The following HSD17B4 variants were observed in gnomAD, a reference collection of about 807,000 sequenced individuals.
HSD17B4 encodes the protein peroxisomal multifunctional enzyme type 2.
Under a neutral mutation model 101.0 loss-of-function variants are expected in HSD17B4, and 70 were observed. That is an observed-to-expected ratio of 0.69 (90% confidence interval 0.57 to 0.85). HSD17B4 has a LOEUF of 0.85. Ranked by LOEUF, HSD17B4 falls within the 40% of genes least tolerant of loss-of-function variation. The probability of loss-of-function intolerance (pLI) is 0.00; values close to 1 mark genes in which losing one functional copy is unlikely to be tolerated. For missense variants in HSD17B4, 984 were observed against 892.4 expected (o/e 1.10, Z -1.31); for synonymous variants, 347 against 297.1 (o/e 1.17, Z -1.73).
At chr5:119,454,482 G>A (rs1028323703) in intron 1 of HSD17B4, among the ~76,000 whole-genome samples, 20 of 151,850 alleles carry the variant, frequency 1.3e-4, no homozygotes, top group African/African-American at 4.6e-4. Flanking sequence ...ATTTTTAAAT[G>A]TTTTCAAGAG....
At position 119,515,005 on chromosome 5, in the gene HSD17B4, C is replaced by T. The variant is rs932961732; in HGVS notation, c.1462C>T (p.Pro488Ser). ...VKVAVAIPNR[P>S]PDAVLTDTTS... ...GGTAGCTGTAGCCATACCTAATAGACCTCCTGATGCTGTACTTACAGATAC... is the reference window on the plus strand; with the variant it reads ...GGTAGCTGTAGCCATACCTAATAGATCTCCTGATGCTGTACTTACAGATAC... Residue 488 changes from proline to serine, a missense_variant, in exon 17 of 24, where the codon CCT becomes TCT. Pro to Ser is a moderately conservative substitution (Grantham distance 74). Transcript: ENST00000510025. 6.3e-7 allele frequency: 1 copy of T among 1,581,124 alleles called. No individual in the cohort carries two copies. The highest frequency in any genetic ancestry group is 1.3e-5 in the African/African-American group (1 of 74,208).
intron 11 of HSD17B4, among the ~76,000 whole-genome samples, chr5:119,496,281 C>T (rs1204167616): frequency 6.6e-6 from 1 of 152,156 alleles, no homozygotes; most frequent in African/African-American, 2.4e-5. Flanking sequence ...CCAGTGCCGC[C>T]TTAGAATCAG....
chr5:119,541,021 C>T (rs1281004866), intron 23 of HSD17B4, among the ~76,000 whole-genome samples: 2 of 152,236 alleles, frequency 1.3e-5, no homozygotes, highest in Admixed American at 1.3e-4. Flanking sequence ...TTCCATTTAG[C>T]TAGAAATCTA....
At chr5:119,535,008 C>T (rs190942670) in intron 22 of HSD17B4, among the ~76,000 whole-genome samples, 2 of 152,058 alleles carry the variant, frequency 1.3e-5, no homozygotes, top group African/African-American at 4.8e-5. Context: ...AGAAAAGTTG[C>T]AAAAATACTA....
Position 119,494,058 on chromosome 5 carries a change from C to A in HSD17B4, c.868+112C>A, listed in dbSNP as rs1172877924. The A allele has an allele frequency of 4.8e-6, 5 of 1,041,140 alleles. No homozygotes were observed. The Admixed American group carries it at 7.3e-5, about 15-fold the overall frequency. 64.5% of individuals were successfully genotyped at this position (1,041,140 alleles called of 1,614,324 possible). On this transcript the variant is annotated intron_variant, in intron 11 of 23. Coordinates refer to ENST00000510025, the MANE Select transcript of HSD17B4 (RefSeq NM_000414.4). ...AACTGTAGTGTTAAGACACTTGAAT[C>A]GTCTATAGCATATTTTCTGCTCTAG... is the stretch of plus-strand genomic sequence containing the variant.
In HSD17B4 at chr5:119,542,162, A is replaced by T. The variant is rs1287808949; in HGVS notation, c.*168A>T. The T allele has an allele frequency of 4.9e-6, 3 of 609,586 alleles. No individual in the cohort carries two copies. Among genetic ancestry groups the T allele is most frequent in the Non-Finnish European group, 8.9e-6 (3 of 335,468 alleles). The allele number at this position is 609,586 out of a possible 1,614,324, so 37.8% of individuals were successfully genotyped here. A position where few individuals can be genotyped will look rare whatever the true frequency, so the allele number is the denominator to read the frequency against. ...TTCATTTTCTACTAATTTTTCATGT[A>T]TCATTATTTTTACAAGGAACTATAT... is the stretch of plus-strand genomic sequence containing the variant. On this transcript the variant is annotated 3_prime_UTR_variant, in exon 24 of 24. Transcript: ENST00000510025.
chr5:119,498,580 A>G (rs1158392232), intron 12 of HSD17B4, among the ~76,000 whole-genome samples: 2 of 150,492 alleles, frequency 1.3e-5, no homozygotes, highest in South Asian at 2.1e-4. Context: ...ATTTTATTTT[A>G]CTTAACATTA....
In HSD17B4 at chr5:119,509,168, T is replaced by A. The variant is rs753362442; in HGVS notation, c.1361T>A (p.Ile454Lys). 1.6e-5 allele frequency: 25 copies of A among 1,599,960 alleles called. No homozygotes were observed. The highest frequency in any genetic ancestry group is 1.7e-4 in the Middle Eastern group (1 of 6,000). ...DVYSYSEKEL[I>K]CHNQFSLFLV... is the part of the protein sequence containing the mutation. ...TATTCTTATTCTGAGAAGGAACTTA[T>A]ATGCCACAATCAGTTCTCTCTCTTT... The change falls in exon 16 of 24, where the codon ATA (isoleucine) becomes AAA (lysine). Residue 454 changes from isoleucine to lysine, a missense_variant. Ile to Lys is a moderately radical substitution (Grantham distance 102, BLOSUM62 -3). Coordinates refer to ENST00000510025, the MANE Select transcript of HSD17B4 (RefSeq NM_000414.4).
chr5:119,523,118 A>G (rs945373230), intron 17 of HSD17B4, among the ~76,000 whole-genome samples: 1 of 151,636 alleles, frequency 6.6e-6, no homozygotes, highest in Non-Finnish European at 1.5e-5. Context: ...GTGTAGTTTT[A>G]TTTGTTCTCA....
chr5:119,526,643 A>T (rs186139657), intron 19 of HSD17B4, among the ~76,000 whole-genome samples: 134 of 152,164 alleles, frequency 8.8e-4, no homozygotes, highest in African/African-American at 3.1e-3. Flanking sequence ...TGCCTTTGAT[A>T]ACACTAATTA....
intron 17 of HSD17B4, among the ~76,000 whole-genome samples, chr5:119,520,867 T>C (rs753336525): frequency 1.3e-5 from 2 of 152,220 alleles, no homozygotes; most frequent in African/African-American, 2.4e-5. Flanking sequence ...TGGCTTCGTT[T>C]CTTGTATAAC....
At chr5:119,524,005 A>C (rs1432081244) in intron 17 of HSD17B4, among the ~76,000 whole-genome samples, 1 of 152,028 alleles carries the variant, frequency 6.6e-6, no homozygotes, top group Non-Finnish European at 1.5e-5. Flanking sequence ...TTTTTCTTTC[A>C]TTTGTATACA....
chr5:119,514,154 A>C (rs1752408876), intron 16 of HSD17B4, among the ~76,000 whole-genome samples: 1 of 152,136 alleles, frequency 6.6e-6, no homozygotes, highest in Non-Finnish European at 1.5e-5. Flanking sequence ...TTTTTGAAAA[A>C]CGGCAGCCTG....
chr5:119,514,576 T>G (rs1752448799), intron 16 of HSD17B4, among the ~76,000 whole-genome samples: 1 of 152,186 alleles, frequency 6.6e-6, no homozygotes, highest in African/African-American at 2.4e-5. Flanking sequence ...ATGTATTATT[T>G]TGTTAAGATG....
Position 119,509,228 on chromosome 5 carries a change from C to A in HSD17B4, c.1421C>A (p.Thr474Lys). ...VGSGGFGGKRTSDKVKVAVAI... is the reference protein window; with the variant it reads ...VGSGGFGGKRKSDKVKVAVAI... The stretch of plus-strand genomic sequence containing the variant: ...TCTGGAGGCTTTGGTGGAAAACGGA[C>A]ATCAGACAAAGTCAAGGTAAGCCAT... The change falls in exon 16 of 24, where the codon ACA becomes AAA. Residue 474 changes from threonine to lysine, a missense_variant. By Grantham distance (78) the Thr-to-Lys change is moderately conservative. Coordinates refer to ENST00000510025, the MANE Select transcript of HSD17B4 (RefSeq NM_000414.4). 1 of 1,599,914 alleles carries A rather than the reference C, an allele frequency of 6.3e-7. No individual in the cohort carries two copies. The highest frequency in any genetic ancestry group is 8.6e-7 in the Non-Finnish European group (1 of 1,167,076).
chr5:119,488,687 C>T (rs1177947357), intron 8 of HSD17B4, among the ~76,000 whole-genome samples: 1 of 152,178 alleles, frequency 6.6e-6, no homozygotes, highest in Non-Finnish European at 1.5e-5. Context: ...ACTTTGTGCA[C>T]TCACCAGTGA....
chr5:119,535,453 G>T (rs2126911663), intron 22 of HSD17B4, among the ~76,000 whole-genome samples: 1 of 151,882 alleles, frequency 6.6e-6, no homozygotes, highest in Non-Finnish European at 1.5e-5. Flanking sequence ...CTCAGTCTTT[G>T]CTTTTCCCAA....
Position 119,509,144 on chromosome 5 carries a change from A to T in HSD17B4, c.1337A>T (p.Tyr446Phe), listed in dbSNP as rs768553274. Residue 446 changes from tyrosine (Y) to phenylalanine (F), a missense_variant, in exon 16 of 24, where the codon TAT (tyrosine) becomes TTT (phenylalanine). By Grantham distance (22) the Tyr-to-Phe change is conservative (BLOSUM62 3). Coordinates refer to ENST00000510025, the MANE Select transcript of HSD17B4 (RefSeq NM_000414.4). ...GSGVVIIMDV[Y>F]SYSEKELICH... is the part of the protein sequence containing the mutation. ...TTTTCTTTTATTTACTTTTCAGTCT[A>T]TTCTTATTCTGAGAAGGAACTTATA... 2.6e-6 allele frequency: 4 copies of T among 1,522,168 alleles called. No homozygotes were observed. The Admixed American group carries it at 6.7e-5, about 25-fold the overall frequency. The allele number at this position is 1,522,168 out of a possible 1,614,324, so 94.3% of individuals were successfully genotyped here.
At chr5:119,494,978 T>TC (rs1298432683) in intron 11 of HSD17B4, among the ~76,000 whole-genome samples, 1 of 152,064 alleles carries the variant, frequency 6.6e-6, no homozygotes, top group Non-Finnish European at 1.5e-5. Flanking sequence ...AACTTTTTTT[T>TC]CTCATAGTAA....
Sources: gnomAD v4.1 joint callset for allele counts (sites outside exome capture counted in the v4.1 genomes callset) on GRCh38, gnomAD v4.1.1 for gene constraint, MANE v1.5 for transcripts, NCBI Gene and HGNC (gene_info 2026-07-23, HGNC 2026-07-21) for gene names.